Variants in ARHGAP40 observed in about 807,000 individuals in gnomAD.
ARHGAP40 encodes Rho GTPase activating protein 40.
ARHGAP40 carries 43 observed loss-of-function variants against 73.5 expected under a neutral mutation model. That is an observed-to-expected ratio of 0.58 (90% CI 0.46 to 0.75). ARHGAP40 has a LOEUF of 0.75. ARHGAP40 is among the 30% of genes least tolerant of loss of function. The pLI is 0.00. For missense variants in ARHGAP40, 734 were observed against 861.8 expected, an observed-to-expected ratio of 0.85 and a Z score of 1.86; for synonymous variants, 300 against 352.8, an observed-to-expected ratio of 0.85 and a Z score of 1.68.
intron 13 of ARHGAP40, 21 bp from the exon 14 acceptor site, chr20:38,648,622 T>TTC: frequency 2.3e-6 from 3 of 1,296,776 alleles, no homozygotes; most frequent in Non-Finnish European, 3.0e-6. Flanking sequence ...AGTTTTTTTT[T>TTC]TCTCTCTCTC....
chr20:38,648,722 G>T (rs373881717), intron 14 of ARHGAP40, 24 bp downstream of exon 14: 67 of 1,304,710 alleles, frequency 5.1e-5, no homozygotes, highest in South Asian at 4.9e-5. Context: ...TGGGAAACAG[G>T]AACAGAGCCC....
At chr20:38,642,594 C>A (rs893269082) in intron 10 of ARHGAP40, among the ~76,000 whole-genome samples, 1 of 151,842 alleles carries the variant, frequency 6.6e-6, no homozygotes, top group African/African-American at 2.4e-5. Context: ...CCCTCCCTCT[C>A]TCCCTTCCTT....
At chr20:38,642,792 ACT>A (rs1210602912) in intron 10 of ARHGAP40, among the ~76,000 whole-genome samples, 9 of 151,718 alleles carry the variant, frequency 5.9e-5, no homozygotes, top group Non-Finnish European at 1.3e-4. Flanking sequence ...TGGCTATATG[ACT>A]CTTGGCACAT....
intron 5 of ARHGAP40, among the ~76,000 whole-genome samples, chr20:38,631,567 C>T (rs914361620): frequency 1.3e-5 from 2 of 152,150 alleles, no homozygotes; most frequent in African/African-American, 2.4e-5. Context: ...GACCTGCCCC[C>T]GTGATTCAAT....
At chr20:38,616,277 G>GCTCTTCC (rs2088838193) in intron 1 of ARHGAP40, among the ~76,000 whole-genome samples, 1 of 152,254 alleles carries the variant, frequency 6.6e-6, no homozygotes, top group Admixed American at 6.5e-5. Context: ...AGCGGCTGTT[G>GCTCTTCC]CTCTTCCAGC....
At chr20:38,601,885 C>T in exon 1 of ARHGAP40, 22 of 1,285,088 alleles carry the variant, frequency 1.7e-5, no homozygotes, top group Non-Finnish European at 2.1e-5. Flanking sequence ...CATTGCCGAT[C>T]GAGTCAGCCC....
intron 3 of ARHGAP40, 103 bp from the exon 4 acceptor site, chr20:38,628,824 C>A (rs2088918961): frequency 1.3e-6 from 1 of 799,552 alleles, no homozygotes. Flanking sequence ...TTCAGTGGCT[C>A]CATCTGTGAA....
intron 1 of ARHGAP40, among the ~76,000 whole-genome samples, chr20:38,618,249 G>A (rs547319593): frequency 5.5e-4 from 83 of 152,050 alleles, no homozygotes; most frequent in African/African-American, 1.7e-3. Flanking sequence ...CCAGGCGCCC[G>A]CCACCACGCC....
At chr20:38,622,210 T>A (rs2088877358) in intron 1 of ARHGAP40, among the ~76,000 whole-genome samples, 1 of 152,214 alleles carries the variant, frequency 6.6e-6, no homozygotes. Flanking sequence ...GTTTATTGGT[T>A]TTCTTTGCCT....
chr20:38,604,127 G>A (rs1419170110), intron 1 of ARHGAP40, among the ~76,000 whole-genome samples: 1 of 152,076 alleles, frequency 6.6e-6, no homozygotes, highest in Admixed American at 6.6e-5. Context: ...TGCGTCGTCC[G>A]TCCATCCATC....
At chr20:38,647,200 CAGG>C in intron 13 of ARHGAP40, 74 bp downstream of exon 13, 2 of 1,217,528 alleles carry the variant, frequency 1.6e-6, no homozygotes, top group Non-Finnish European at 2.1e-6. Context: ...TGAAGGCCAC[CAGG>C]GGGTTACACA....
At chr20:38,645,770 C>A (rs890908436) in intron 11 of ARHGAP40, among the ~76,000 whole-genome samples, 2 of 152,158 alleles carry the variant, frequency 1.3e-5, no homozygotes, top group African/African-American at 2.4e-5. Flanking sequence ...TCAGCAGGTG[C>A]AGGACCCTCC....
intron 1 of ARHGAP40, among the ~76,000 whole-genome samples, chr20:38,608,274 G>T (rs1383436853): frequency 1.3e-5 from 2 of 152,040 alleles, no homozygotes; most frequent in Non-Finnish European, 2.9e-5. Flanking sequence ...TGGGAGATTT[G>T]CATATCTCAT....
intron 2 of ARHGAP40, among the ~76,000 whole-genome samples, chr20:38,626,256 C>T (rs2088898402): frequency 6.6e-6 from 1 of 152,220 alleles, no homozygotes; most frequent in Non-Finnish European, 1.5e-5. Context: ...ACTGTACACC[C>T]CACCAATCCT....
chr20:38,638,296 CAG>C (rs932143310), intron 7 of ARHGAP40, among the ~76,000 whole-genome samples: 12 of 152,188 alleles, frequency 7.9e-5, no homozygotes, highest in African/African-American at 2.9e-4. Flanking sequence ...GCATGGGCAA[CAG>C]AGAGAGACTC....
chr20:38,607,264 C>T lies in ARHGAP40; in HGVS notation c.137+5185C>T, dbSNP rs543840227. 1.2e-3 allele frequency among the ~76,000 whole-genome samples: 176 copies of T among 152,240 alleles called. 2 individuals are homozygous for T. Among genetic ancestry groups the T allele is most frequent in the Non-Finnish European group, 7.2e-4 (49 of 68,016 alleles). ...CCTCCACTCATCATTGGGAAAGTTC[C>T]TTCATTTCTCTGGGCCTGATCCTTC... On this transcript the variant is annotated intron_variant, in intron 1 of 14. Coordinates refer to ENST00000373345, the Ensembl canonical transcript of ARHGAP40.
chr20:38,620,106 G>A (rs2088866356), intron 1 of ARHGAP40, among the ~76,000 whole-genome samples: 1 of 152,132 alleles, frequency 6.6e-6, no homozygotes, highest in African/African-American at 2.4e-5. Flanking sequence ...TTTGCCCCTG[G>A]GCATGTAGTA....
chr20:38,643,815 C>A lies in ARHGAP40; in HGVS notation c.1474C>A (p.Pro492Thr), dbSNP rs1476944438. 3.1e-6 allele frequency: 4 copies of A among 1,305,432 alleles called. No homozygotes were observed. The African/African-American group carries it at 4.6e-5, about 15-fold the overall frequency. 80.9% of individuals were successfully genotyped at this position (1,305,432 alleles called of 1,614,324 possible). ...TAACCTCTTTCTGCACCAAGGGCGG[C>A]CCCCCAAGCTCCCCAAAGGCAAGGA... The change falls in exon 11 of 15, where the codon CCC becomes ACC. Residue 492 changes from proline (P) to threonine (T), a missense_variant. Transcript: ENST00000373345.
Position 38,601,870 on chromosome 20 carries a change from T to C in ARHGAP40, c.-73T>C, listed in dbSNP as rs1436174852. ...ACGGGGGCCCTACCTCACTCCTCCC[T>C]CTCACATTGCCGATCGAGTCAGCCC... On this transcript the variant is annotated 5_prime_UTR_variant, in exon 1 of 15. Coordinates refer to ENST00000373345, the Ensembl canonical transcript of ARHGAP40. The C allele has an allele frequency of 2.3e-6, 3 of 1,282,732 alleles. No individual in the cohort carries two copies. The African/African-American group carries it at 4.6e-5, about 20-fold the overall frequency. The allele number at this position is 1,282,732 out of a possible 1,614,324, so 79.5% of individuals were successfully genotyped here. A position where few individuals can be genotyped will look rare whatever the true frequency, so the allele number is the denominator to read the frequency against.
Sources: allele counts gnomAD v4.1 joint callset (sites outside exome capture counted in the v4.1 genomes callset), GRCh38; gene constraint gnomAD v4.1.1; transcripts MANE v1.5; gene names NCBI Gene and HGNC (gene_info 2026-07-23, HGNC 2026-07-21).